The following EPHA5 variants were observed in gnomAD, a reference collection of about 807,000 sequenced individuals.
The protein encoded by EPHA5 is EPH receptor A5.
In EPHA5, 60 loss-of-function variants were observed where a neutral mutation model predicts 105.0. The observed-to-expected ratio is 0.57, with a 90% CI of 0.46 to 0.71. The LOEUF (loss-of-function observed/expected upper bound fraction) is 0.71. EPHA5 is among the 30% of genes least tolerant of loss of function. EPHA5 has a pLI of 0.00. For synonymous variants in EPHA5, 513 were observed against 449.1 expected (o/e 1.14, Z -1.80); for missense variants, 1,218 against 1,274.7 (o/e 0.96, Z 0.68).
chr4:65,620,165 C>A (rs577868971), intron 2 of EPHA5, among the ~76,000 whole-genome samples: 5 of 146,396 alleles, frequency 3.4e-5, no homozygotes, highest in African/African-American at 1.3e-4. Context: ...TAAAATTTAT[C>A]AAGAATGAAG....
At chr4:65,503,391 T>C (rs78429647) in intron 3 of EPHA5, among the ~76,000 whole-genome samples, 1 of 151,770 alleles carries the variant, frequency 6.6e-6, no homozygotes, top group Admixed American at 6.6e-5. Context: ...GCAACGTCTC[T>C]TGAATAATAT....
chr4:65,527,012 A>T (rs1275939149), intron 3 of EPHA5, among the ~76,000 whole-genome samples: 1 of 152,056 alleles, frequency 6.6e-6, no homozygotes, highest in African/African-American at 2.4e-5. Context: ...ATTTCAAATA[A>T]ATCAGACTAA....
chr4:65,493,380 A>G (rs1051491263), intron 4 of EPHA5, among the ~76,000 whole-genome samples: 3 of 149,730 alleles, frequency 2.0e-5, no homozygotes, highest in African/African-American at 7.3e-5. Flanking sequence ...AGATTTAAAA[A>G]CTTTGTATAT....
intron 3 of EPHA5, among the ~76,000 whole-genome samples, chr4:65,559,366 C>A (rs1364383639): frequency 6.6e-6 from 1 of 152,134 alleles, no homozygotes; most frequent in African/African-American, 2.4e-5. Flanking sequence ...AATGAAAGCA[C>A]TTAAATTGTC....
intron 3 of EPHA5, among the ~76,000 whole-genome samples, chr4:65,537,256 T>C (rs1560665200): frequency 1.3e-5 from 2 of 151,880 alleles, no homozygotes; most frequent in African/African-American, 4.8e-5. Flanking sequence ...AACATTATTG[T>C]CTTACAGTCA....
intron 8 of EPHA5, among the ~76,000 whole-genome samples, chr4:65,383,731 T>C (rs1719812925): frequency 6.6e-6 from 1 of 151,768 alleles, no homozygotes; most frequent in Non-Finnish European, 1.5e-5. Flanking sequence ...TATAAATCAG[T>C]GACTCAGACA....
chr4:65,475,960 G>T (rs377095430), intron 5 of EPHA5, among the ~76,000 whole-genome samples: 2 of 152,096 alleles, frequency 1.3e-5, no homozygotes, highest in African/African-American at 4.8e-5. Flanking sequence ...GAGCATTTGG[G>T]CAAACTGACA....
chr4:65,450,591 A>G (rs764613036), intron 5 of EPHA5, among the ~76,000 whole-genome samples: 7 of 152,214 alleles, frequency 4.6e-5, no homozygotes, highest in Non-Finnish European at 7.3e-5. Context: ...GTGAAATACT[A>G]TAAATATCTT....
chr4:65,521,355 C>G (rs547202495), intron 3 of EPHA5, among the ~76,000 whole-genome samples: 2 of 152,076 alleles, frequency 1.3e-5, no homozygotes, highest in East Asian at 3.9e-4. Flanking sequence ...AGGGGAACAT[C>G]ACACACCAGA....
At chr4:65,513,382 GTTTGT>G (rs796232011) in intron 3 of EPHA5, among the ~76,000 whole-genome samples, 5 of 151,740 alleles carry the variant, frequency 3.3e-5, no homozygotes, top group Non-Finnish European at 7.4e-5. Flanking sequence ...GGGTTTTTTT[GTTTGT>G]TTTGTTTTGT....
rs1017467108 is a variant in EPHA5 at position 65,520,681 on chromosome 4, G to GA, written c.911-25139dup. ...ACAAAGAACTCAAACAAATTTACAA[G>GA]AAAAAAAACAACCCCATCAAAAATT... On this transcript the variant is annotated intron_variant, in intron 3 of 16. Transcript: ENST00000613740. Among the ~76,000 whole-genome samples, 8 of 151,140 alleles carry GA rather than the reference G, an allele frequency of 5.3e-5. No homozygotes were observed. In the East Asian group the frequency reaches 7.8e-4, roughly 15 times the overall value.
intron 2 of EPHA5, among the ~76,000 whole-genome samples, chr4:65,625,984 C>T (rs1007956420): frequency 2.0e-5 from 3 of 151,872 alleles, no homozygotes; most frequent in Admixed American, 1.3e-4. Flanking sequence ...CCTCTAGTCC[C>T]AGCTACTCGG....
At chr4:65,665,661 C>T (rs113938259) in intron 1 of EPHA5, among the ~76,000 whole-genome samples, 1 of 151,956 alleles carries the variant, frequency 6.6e-6, no homozygotes, top group South Asian at 2.1e-4. Context: ...AAAGAAAAAT[C>T]TTTGTTTTAA....
intron 3 of EPHA5, among the ~76,000 whole-genome samples, chr4:65,511,821 A>G (rs959837932): frequency 1.3e-5 from 2 of 152,210 alleles, no homozygotes; most frequent in African/African-American, 4.8e-5. Flanking sequence ...ACTTATTTGT[A>G]TAAGATAATT....
chr4:65,489,192 C>T (rs922197709), intron 5 of EPHA5, among the ~76,000 whole-genome samples: 8 of 152,068 alleles, frequency 5.3e-5, no homozygotes, highest in Non-Finnish European at 8.8e-5. Context: ...CCACCGCGCC[C>T]AGCCAGCTGC....
chr4:65,357,481 C>T (rs1376211911), intron 11 of EPHA5, among the ~76,000 whole-genome samples: 3 of 151,330 alleles, frequency 2.0e-5, no homozygotes, highest in African/African-American at 7.3e-5. Flanking sequence ...ACTATTCAAC[C>T]ATTGATGGCA....
intron 2 of EPHA5, among the ~76,000 whole-genome samples, chr4:65,605,099 T>C (rs571498643): frequency 7.8e-4 from 119 of 152,288 alleles, no homozygotes; most frequent in African/African-American, 2.8e-3. Context: ...GCCCATTCTT[T>C]CCCGTTAAGA....
At chr4:65,583,907 A>G (rs1741881118) in intron 3 of EPHA5, among the ~76,000 whole-genome samples, 1 of 151,668 alleles carries the variant, frequency 6.6e-6, no homozygotes, top group Non-Finnish European at 1.5e-5. Context: ...CATTAAATTC[A>G]TTAAACATTA....
intron 3 of EPHA5, among the ~76,000 whole-genome samples, chr4:65,544,019 G>T (rs34866185): frequency 6.6e-6 from 1 of 151,724 alleles, no homozygotes; most frequent in Admixed American, 6.6e-5. Context: ...CTAGCTAGCC[G>T]TATGCAGAAA....
Sources: allele counts gnomAD v4.1 joint callset (sites outside exome capture counted in the v4.1 genomes callset), GRCh38; gene constraint gnomAD v4.1.1; transcripts MANE v1.5; gene names NCBI Gene and HGNC (gene_info 2026-07-23, HGNC 2026-07-21).